GLB1: variants seen among roughly 807,000 people sequenced by gnomAD.
GLB1 encodes beta-galactosidase.
A neutral mutation model predicts 74.0 loss-of-function variants in GLB1; 56 were observed. That is an observed-to-expected ratio of 0.76 (90% confidence interval 0.61 to 0.94). The LOEUF (loss-of-function observed/expected upper bound fraction) is 0.94, where lower values mean the gene tolerates loss of function less well. Among genes scored for constraint, GLB1 ranks in the 40% least tolerant of loss-of-function variants. GLB1 has a pLI of 0.00. For synonymous variants in GLB1, 323 were observed against 323.6 expected (o/e 1.00, Z 0.02); for missense variants, 787 against 845.5 (o/e 0.93, Z 0.86).
chr3:33,090,663 G>C (rs375369656), intron 1 of GLB1: 1 of 985,344 alleles, frequency 1.0e-6, no homozygotes, highest in African/African-American at 1.7e-5. Flanking sequence ...AGGGACTAAA[G>C]GTGTCATGGA....
At chr3:33,011,592 C>G (rs1257279094) in intron 15 of GLB1, among the ~76,000 whole-genome samples, 1 of 132,126 alleles carries the variant, frequency 7.6e-6, no homozygotes. Flanking sequence ...TTGCAGTGAG[C>G]AGAGATCACA....
At position 33,027,235 on chromosome 3, in the gene GLB1, G is replaced by C. The variant is rs59706531; in HGVS notation, c.1069-2910C>G. On this transcript the variant is annotated intron_variant, in intron 10 of 15. Coordinates refer to ENST00000307363, the MANE Select transcript of GLB1 (RefSeq NM_000404.4). Reference sequence around the variant, plus strand: ...CACCTGGTCCAGCTGCAGCCTTGCAGAGGGCTGGCGCCTGTGCGGGCAACC... The same window carrying C: ...CACCTGGTCCAGCTGCAGCCTTGCACAGGGCTGGCGCCTGTGCGGGCAACC... Among the ~76,000 whole-genome samples, 3,447 of 152,364 alleles carry C rather than the reference G, an allele frequency of 0.023. 551 individuals carry two copies. The East Asian group carries it at 0.42, about 19-fold the overall frequency.
At chr3:33,014,953 C>G (rs151204676) in intron 14 of GLB1, among the ~76,000 whole-genome samples, 28 of 152,148 alleles carry the variant, frequency 1.8e-4, no homozygotes, top group Non-Finnish European at 3.2e-4. Flanking sequence ...GGTGTCAGAG[C>G]GACACTCCAT....
chr3:33,006,043 C>T (rs140902519), intron 15 of GLB1, among the ~76,000 whole-genome samples: 100 of 152,336 alleles, frequency 6.6e-4, no homozygotes, highest in African/African-American at 2.2e-3. Flanking sequence ...AAACCTACCA[C>T]AAAATGTTGA....
At position 33,062,924 on chromosome 3, in the gene GLB1, C is replaced by T. The variant is rs116096039; in HGVS notation, c.552+2539G>A. Among the ~76,000 whole-genome samples the T allele has an allele frequency of 5.8e-3, 881 of 152,306 alleles. 6 individuals carry two copies. Among genetic ancestry groups the T allele is most frequent in the African/African-American group, 0.02 (827 of 41,554 alleles). On this transcript the variant is annotated intron_variant, in intron 5 of 15. Coordinates refer to ENST00000307363, the MANE Select transcript of GLB1 (RefSeq NM_000404.4). The stretch of plus-strand genomic sequence containing the variant: ...TGATGTGCACAAATGCATGATGTGC[C>T]CTCATGGCTACCAGGCAGAGGCGTG...
At chr3:33,021,481 A>C in intron 12 of GLB1, 85 bp downstream of exon 12, 1 of 1,460,444 alleles carries the variant, frequency 6.8e-7, no homozygotes, top group Non-Finnish European at 9.4e-7. Flanking sequence ...TTGGCCCCTG[A>C]ATTCAGAATG....
At chr3:33,057,850 C>A (rs1468025757) in intron 6 of GLB1, among the ~76,000 whole-genome samples, 1 of 152,204 alleles carries the variant, frequency 6.6e-6, no homozygotes, top group Non-Finnish European at 1.5e-5. Flanking sequence ...GATAGCAGTA[C>A]TCCATTTTCC....
intron 12 of GLB1, among the ~76,000 whole-genome samples, chr3:33,020,749 TA>T (rs1697433949): frequency 6.6e-6 from 1 of 152,232 alleles, no homozygotes; most frequent in African/African-American, 2.4e-5. Flanking sequence ...TATTAGATAA[TA>T]GGATTGCATC....
intron 10 of GLB1, among the ~76,000 whole-genome samples, chr3:33,024,587 A>G (rs1477752575): frequency 6.6e-6 from 1 of 152,208 alleles, no homozygotes; most frequent in Non-Finnish European, 1.5e-5. Flanking sequence ...AGCAAAAACA[A>G]GTAGAGAGAA....
chr3:32,985,516 T>G, the GLB1 span, among the ~76,000 whole-genome samples: 2 of 152,132 alleles, frequency 1.3e-5, no homozygotes, highest in East Asian at 3.8e-4. Flanking sequence ...GGTCTCGAAC[T>G]CCAGACCTCA....
chr3:33,078,214 A>G (rs953027889), intron 1 of GLB1, among the ~76,000 whole-genome samples: 2 of 152,228 alleles, frequency 1.3e-5, no homozygotes, highest in Non-Finnish European at 2.9e-5. Context: ...ACTGCAGTCC[A>G]GCCTGGGTGA....
Position 33,014,187 on chromosome 3 carries a change from G to C in GLB1, c.1603C>G (p.His535Asp), listed in dbSNP as rs886058341. ...GGWGHRDSGH[H>D]DEAWAHNSSN... ...GAGTTGTGGGCCCAGGCTTCATCAT[G>C]GTGGCCACTGTCACGGTGTCCCCAG... Residue 535 changes from histidine to aspartate, a missense_variant, in exon 15 of 16, where the codon CAT becomes GAT. Transcript: ENST00000307363. The C allele has an allele frequency of 6.2e-7, 1 of 1,614,156 alleles. No homozygotes were observed. Among genetic ancestry groups the C allele is most frequent in the Non-Finnish European group, 8.5e-7 (1 of 1,180,028 alleles).
chr3:33,090,551 C>T (rs1343113299), intron 1 of GLB1: 4 of 985,190 alleles, frequency 4.1e-6, no homozygotes, highest in Non-Finnish European at 4.8e-6. Flanking sequence ...AATAAAGAAA[C>T]AAATGAAATT....
intron 10 of GLB1, among the ~76,000 whole-genome samples, chr3:33,039,712 G>A (rs1298555571): frequency 6.6e-6 from 1 of 152,170 alleles, no homozygotes; most frequent in African/African-American, 2.4e-5. Context: ...CATTGGATGA[G>A]ATAACAGCCA....
chr3:33,035,435 A>C (rs1698232191), intron 10 of GLB1, among the ~76,000 whole-genome samples: 1 of 152,110 alleles, frequency 6.6e-6, no homozygotes, highest in Admixed American at 6.6e-5. Context: ...CTGTCTCAAA[A>C]AAAAAAGGTG....
intron 1 of GLB1, among the ~76,000 whole-genome samples, chr3:33,087,579 G>GCACACACA (rs57935919): frequency 2.8e-5 from 4 of 141,802 alleles, no homozygotes; most frequent in African/African-American, 8.0e-5. Context: ...CAGCATGCGC[G>GCACACACA]CACACACACA....
chr3:33,044,697 A>T (rs1310938842), intron 10 of GLB1, among the ~76,000 whole-genome samples: 1 of 152,096 alleles, frequency 6.6e-6, no homozygotes, highest in African/African-American at 2.4e-5. Flanking sequence ...TATTTAAAAA[A>T]TTTGTAATAT....
intron 9 of GLB1, among the ~76,000 whole-genome samples, chr3:33,047,289 C>T (rs1385628304): frequency 2.0e-5 from 3 of 152,192 alleles, no homozygotes; most frequent in Admixed American, 6.5e-5. Flanking sequence ...CAGAGGATCC[C>T]GACCTTGTCA....
the GLB1 span, among the ~76,000 whole-genome samples, chr3:32,972,834 AAAGAGCTGGAGTCCTT>A: frequency 1.3e-5 from 2 of 152,196 alleles, no homozygotes; most frequent in Non-Finnish European, 2.9e-5. Flanking sequence ...TAAGAAAGAG[AAAGAGCTGGAGTCCTT>A]AAAACCCGCC....
Sources: allele counts gnomAD v4.1 joint callset (sites outside exome capture counted in the v4.1 genomes callset), GRCh38; gene constraint gnomAD v4.1.1; transcripts MANE v1.5; gene names NCBI Gene and HGNC (gene_info 2026-07-23, HGNC 2026-07-21).